The following WDR90 variants were observed in gnomAD, a reference collection of about 807,000 sequenced individuals.
WDR90 encodes WD repeat-containing protein 90.
Under a neutral mutation model 195.2 loss-of-function variants are expected in WDR90, and 238 were observed. The observed-to-expected ratio is 1.22, with a 90% CI of 1.10 to 1.36. WDR90 has a LOEUF of 1.36. Ranked by LOEUF, WDR90 falls within the 40% of genes most tolerant of loss-of-function variation. WDR90 has a pLI of 0.00. For missense variants in WDR90, 2,734 were observed against 2,439.5 expected (o/e 1.12, Z -2.54); for synonymous variants, 1,265 against 1,052.4 (o/e 1.20, Z -3.91).
rs2037636935 is a variant in WDR90, at chr16:651,094, T to A, written c.659T>A (p.Ile220Asn). Reference sequence around the variant, plus strand: ...GGAGAGAGCTGGCATGACCGCTACATCCACGTCCGGTGAGTGGTTCTGCTT... The same window carrying A: ...GGAGAGAGCTGGCATGACCGCTACAACCACGTCCGGTGAGTGGTTCTGCTT... ...PKGESWHDRYIHVRFPSESLK... is the reference protein window; with the variant it reads ...PKGESWHDRYNHVRFPSESLK... The change falls in exon 6 of 41, where the codon ATC becomes AAC. Residue 220 changes from isoleucine to asparagine, a missense_variant. By Grantham distance (149) the Ile-to-Asn change is moderately radical. Transcript: ENST00000293879. The A allele has an allele frequency of 6.3e-7, 1 of 1,583,314 alleles. No homozygotes were observed. The highest frequency in any genetic ancestry group is 1.7e-5 in the Admixed American group (1 of 59,138).
At position 659,293 on chromosome 16, in the gene WDR90, TCCCCCGGCAGCAGGTC is replaced by T. The variant is rs780758527; in HGVS notation, c.3105_3120del (p.Arg1036SerfsTer70). Reference sequence around the variant, plus strand: ...GACGCAGCGTCCAGGGCCAGCGAGCTCCCCCGGCAGCAGGTCCCCAAGCCATGTCAGGCATCTCCAC... The same window carrying T: ...GACGCAGCGTCCAGGGCCAGCGAGCTCCCAAGCCATGTCAGGCATCTCCAC... On this transcript the variant is annotated frameshift_variant, in exon 26 of 41. Transcript: ENST00000293879. LOFTEE classifies it high-confidence loss of function. 4 of 1,602,228 alleles carry T rather than the reference TCCCCCGGCAGCAGGTC, an allele frequency of 2.5e-6. No individual in the cohort carries two copies. In the South Asian group the frequency reaches 4.5e-5, roughly 18 times the overall value.
intron 13 of WDR90, chr16:654,221 T>A: frequency 4.9e-6 from 1 of 202,434 alleles, no homozygotes; most frequent in Non-Finnish European, 1.0e-5. Context: ...AGAGAGAGCC[T>A]TGTTCTGTCA....
At position 653,485 on chromosome 16, in the gene WDR90, C is replaced by G. The variant is rs763284553; in HGVS notation, c.1233+34C>G. On this transcript the variant is annotated intron_variant, in intron 11 of 40. Transcript: ENST00000293879. Reference sequence around the variant, plus strand: ...TGCCCGGGCCTGGGGCAGCTCACACCTGCAGCCCCTACACCCTCCCTCACC... The same window carrying G: ...TGCCCGGGCCTGGGGCAGCTCACACGTGCAGCCCCTACACCCTCCCTCACC... 4 of 1,612,542 alleles carry G rather than the reference C, an allele frequency of 2.5e-6. No individual in the cohort carries two copies. The South Asian group carries it at 4.4e-5, about 18-fold the overall frequency.
intron 34 of WDR90, chr16:665,353 C>T (rs888007930): frequency 3.7e-6 from 2 of 546,132 alleles, no homozygotes; most frequent in Non-Finnish European, 6.4e-6. Context: ...CGGCCACACT[C>T]CTGTCTTTCA....
intron 13 of WDR90, 160 bp downstream of exon 13, chr16:653,963 C>T (rs1392215865): frequency 3.4e-6 from 3 of 875,002 alleles, no homozygotes; most frequent in Non-Finnish European, 5.2e-6. Context: ...GTTCATGCCG[C>T]CCCCGTGCCC....
At position 659,283 on chromosome 16, in the gene WDR90, G is replaced by T; in HGVS notation, c.3091G>T (p.Ala1031Ser). 6.2e-7 allele frequency: 1 copy of T among 1,607,126 alleles called. No individual in the cohort carries two copies. Residue 1031 changes from alanine to serine, a missense_variant, in exon 26 of 41, where the codon GCC becomes TCC. Transcript: ENST00000293879. Reference protein sequence around the residue: ...AGPLEDAASRASELPRQQVPK... With the variant: ...AGPLEDAASRSSELPRQQVPK... ...ACCGCTGGAGGACGCAGCGTCCAGG[G>T]CCAGCGAGCTCCCCCGGCAGCAGGT...
intron 34 of WDR90, chr16:663,438 GA>G (rs34201526): frequency 0.53 from 100,972 of 190,506 alleles, 30,095 homozygotes; most frequent in East Asian, 0.98. Flanking sequence ...CATCTCAAAG[GA>G]AAAAAAAAAG....
At position 662,325 on chromosome 16, in the gene WDR90, G is replaced by A; in HGVS notation, c.4139G>A (p.Gly1380Asp). Residue 1380 changes from glycine (G) to aspartate (D), a missense_variant, in exon 33 of 41, where the codon GGC (glycine) becomes GAC (aspartate). Gly to Asp is a moderately conservative substitution (Grantham distance 94, BLOSUM62 -1). Transcript: ENST00000293879. ...AVSELRCKGS[G>D]ASSVFMEHEL... ...TCGGAGCTGAGGTGCAAGGGCTCAGGCGCCAGGTGAGCTGTTCACCCCTAC... is the reference window on the plus strand; with the variant it reads ...TCGGAGCTGAGGTGCAAGGGCTCAGACGCCAGGTGAGCTGTTCACCCCTAC... 6.4e-7 allele frequency: 1 copy of A among 1,562,096 alleles called. No homozygotes were observed. The highest frequency in any genetic ancestry group is 8.7e-7 in the Non-Finnish European group (1 of 1,154,780).
intron 9 of WDR90, 36 bp downstream of exon 9, chr16:652,075 A>G: frequency 6.5e-7 from 1 of 1,549,180 alleles, no homozygotes; most frequent in South Asian, 1.2e-5. Context: ...GGGCCTGGTG[A>G]GGTGTGGGCT....
intron 13 of WDR90, chr16:654,103 G>A (rs375944017): frequency 6.1e-5 from 27 of 443,584 alleles, no homozygotes; most frequent in African/African-American, 3.2e-4. Flanking sequence ...AGATTTTCAC[G>A]TGGCAGAGCC....
intron 13 of WDR90, chr16:654,127 C>G (rs979904263): frequency 2.5e-6 from 1 of 400,194 alleles, no homozygotes; most frequent in African/African-American, 2.1e-5. Context: ...GCAGCTGACC[C>G]ACGCTTGGGC....
At chr16:653,705 G>T (rs373951032) in intron 12 of WDR90, 35 bp downstream of exon 12, 3 of 1,613,226 alleles carry the variant, frequency 1.9e-6, no homozygotes, top group Non-Finnish European at 2.5e-6. Flanking sequence ...GGGGGAGGGG[G>T]TCAGCCCAGG....
At chr16:651,552 G>A in intron 7 of WDR90, 92 bp from the exon 8 acceptor site, 1 of 1,289,070 alleles carries the variant, frequency 7.8e-7, no homozygotes, top group South Asian at 1.3e-5. Flanking sequence ...GGTGAGGCTG[G>A]GCCACTTGCT....
In WDR90 at chr16:655,982, C is replaced by T. The variant is rs113965321; in HGVS notation, c.1966+93C>T. 1,648 of 1,399,006 alleles carry T rather than the reference C, an allele frequency of 1.2e-3. 3 individuals are homozygous for T. Among genetic ancestry groups the T allele is most frequent in the Non-Finnish European group, 1.3e-3 (1,382 of 1,028,012 alleles). 86.7% of individuals were successfully genotyped at this position (1,399,006 alleles called of 1,614,324 possible). On this transcript the variant is annotated intron_variant, in intron 17 of 40. Coordinates refer to ENST00000293879, the MANE Select transcript of WDR90 (RefSeq NM_145294.5). ...CAGTCCCCGGGGCTCTGCTGTCAGC[C>T]GCCCTGGCTCCTGGCTGCACAGGGT...
At position 657,794 on chromosome 16, in the gene WDR90, C is replaced by CAT. The variant is rs2037793167; in HGVS notation, c.2506_2507insAT (p.Pro836HisfsTer24). 1.3e-6 allele frequency: 2 copies of CAT among 1,553,816 alleles called. No individual in the cohort carries two copies. Among genetic ancestry groups the CAT allele is most frequent in the East Asian group, 4.8e-5 (2 of 41,376 alleles). On this transcript the variant is annotated frameshift_variant, in exon 21 of 41. Transcript: ENST00000293879. LOFTEE classifies it high-confidence loss of function. ...GGTATGCCCGGATGCCCCCGCGAGC[C>CAT]CCAGCGCCCTGGCAGTCAGCAGGGA... is the stretch of plus-strand genomic sequence containing the variant.
chr16:656,253 G>A lies in WDR90; in HGVS notation c.1967-49G>A, dbSNP rs941880980. 4 of 1,544,088 alleles carry A rather than the reference G, an allele frequency of 2.6e-6. No homozygotes were observed. The African/African-American group carries it at 5.4e-5, about 21-fold the overall frequency. ...CGGGGACCCGAAGCCTGAGCATGCG[G>A]CTCACCCCGGGGTGGCCCTGGAGGC... On this transcript the variant is annotated intron_variant, in intron 17 of 40. Transcript: ENST00000293879.
At position 651,646 on chromosome 16, in the gene WDR90, C is replaced by G. The variant is rs558271498; in HGVS notation, c.739C>G (p.Leu247Val). Residue 247 changes from leucine to valine, a missense_variant and splice_region_variant, in exon 8 of 41, where the codon CTC (leucine) becomes GTC (valine). Physicochemically the swap from Leu to Val is conservative, Grantham distance 32. Transcript: ENST00000293879. Reference sequence around the variant, plus strand: ...TGGGGTTCTTTGCTCTGTTCTAGTCCTCCTGGGGCCGGGGCCACAGCCTCT... The same window carrying G: ...TGGGGTTCTTTGCTCTGTTCTAGTCGTCCTGGGGCCGGGGCCACAGCCTCT... ...EKSCSPPEAV[L>V]LGPGPQPLPC... 1 of 1,612,414 alleles carries G rather than the reference C, an allele frequency of 6.2e-7. No individual in the cohort carries two copies. The highest frequency in any genetic ancestry group is 1.1e-5 in the South Asian group (1 of 91,074).
intron 40 of WDR90, 120 bp downstream of exon 40, chr16:667,109 G>A (rs900035468): frequency 1.8e-6 from 2 of 1,110,142 alleles, no homozygotes; most frequent in Non-Finnish European, 1.3e-6. Flanking sequence ...CTGGGGTGGG[G>A]TGAGGACATC....
intron 29 of WDR90, 54 bp downstream of exon 29, chr16:661,226 C>G: frequency 3.3e-6 from 5 of 1,518,462 alleles, no homozygotes; most frequent in Non-Finnish European, 4.4e-6. Context: ...CCCGGCAGAA[C>G]CCAGCTCCCG....
Sources: allele counts gnomAD v4.1 joint callset, GRCh38; gene constraint gnomAD v4.1.1; transcripts MANE v1.5; gene names NCBI Gene and HGNC (gene_info 2026-07-23, HGNC 2026-07-21).